CDHR1: variants seen among roughly 807,000 people sequenced by gnomAD.
CDHR1 encodes the protein cadherin-related family member 1.
CDHR1 carries 61 observed loss-of-function variants against 72.1 expected under a neutral mutation model. The ratio of observed to expected loss-of-function variants is 0.85; its 90% confidence interval spans 0.69 to 1.05. The LOEUF (loss-of-function observed/expected upper bound fraction) is 1.05, where lower values mean the gene tolerates loss of function less well. Ranked by LOEUF, CDHR1 falls within the 50% of genes least tolerant of loss-of-function variation. The probability of loss-of-function intolerance (pLI) is 0.00; values close to 1 mark genes in which losing one functional copy is unlikely to be tolerated. For missense variants in CDHR1, 1,186 were observed against 1,115.7 expected, an observed-to-expected ratio of 1.06 and a Z score of -0.90; for synonymous variants, 470 against 448.1, an observed-to-expected ratio of 1.05 and a Z score of -0.62.
chr10:84,204,621 T>C lies in CDHR1; in HGVS notation c.862+16T>C, dbSNP rs1459802748. 1 of 1,587,662 alleles carries C rather than the reference T, an allele frequency of 6.3e-7. No individual in the cohort carries two copies. The highest frequency in any genetic ancestry group is 1.3e-5 in the African/African-American group (1 of 74,326). On this transcript the variant is annotated intron_variant, in intron 9 of 16. Transcript: ENST00000623527. ...CTTGTAAATGGTGAGTCTGAGCAGC[T>C]TTGGGGGCTGCAGCTTTGACTCTCT...
intron 7 of CDHR1, among the ~76,000 whole-genome samples, 169 bp downstream of exon 7, chr10:84,202,089 G>A (rs962625789): frequency 3.9e-5 from 6 of 152,168 alleles, no homozygotes. Context: ...TATTCTCCAG[G>A]GAGGCTGGGG....
At position 84,214,936 on chromosome 10, in the gene CDHR1, G is replaced by A; in HGVS notation, c.*315G>A. On this transcript the variant is annotated 3_prime_UTR_variant, in exon 17 of 17. Transcript: ENST00000623527. ...AGGGCTGAGAATTGACGAGAAGCCAGCTCACCCATCCCAGACCTCACAGTC... is the reference window on the plus strand; with the variant it reads ...AGGGCTGAGAATTGACGAGAAGCCAACTCACCCATCCCAGACCTCACAGTC... 1.5e-6 allele frequency: 2 copies of A among 1,295,228 alleles called. No homozygotes were observed. Among genetic ancestry groups the A allele is most frequent in the South Asian group, 3.3e-5 (2 of 60,934 alleles). The allele number at this position is 1,295,228 out of a possible 1,614,324, so 80.2% of individuals were successfully genotyped here.
At chr10:84,203,588 G>A (rs889364406) in intron 8 of CDHR1, among the ~76,000 whole-genome samples, 3 of 152,076 alleles carry the variant, frequency 2.0e-5, no homozygotes, top group Non-Finnish European at 4.4e-5. Context: ...CTAATTTTTT[G>A]TATTTTTAGT....
chr10:84,211,619 C>G (rs189896719), intron 13 of CDHR1, 29 bp from the exon 14 acceptor site: 1 of 1,604,588 alleles, frequency 6.2e-7, no homozygotes, highest in Non-Finnish European at 8.5e-7. Context: ...CAAAGAGGCA[C>G]GTGCCACCCA....
chr10:84,219,489 C>A, downstream of CDHR1: 1 of 648,148 alleles, frequency 1.5e-6, no homozygotes, highest in Non-Finnish European at 2.4e-6. Context: ...AAGGTCTGAA[C>A]ATCCACTCTC....
rs1335536637 is a variant in CDHR1, at chr10:84,194,754, C to G, written c.-7C>G. On this transcript the variant is annotated 5_prime_UTR_variant, in exon 1 of 17. Transcript: ENST00000623527. ...GGCGGCAGGCGACACTCCGCGCCGG[C>G]GGAGACATGAGGCGCTGCCGGTGGG... 36 of 1,504,300 alleles carry G rather than the reference C, an allele frequency of 2.4e-5. No homozygotes were observed. The highest frequency in any genetic ancestry group is 3.2e-5 in the Non-Finnish European group (36 of 1,134,662). 93.2% of individuals were successfully genotyped at this position (1,504,300 alleles called of 1,614,324 possible).
intron 15 of CDHR1, 120 bp downstream of exon 15, chr10:84,212,527 A>T: frequency 1.3e-6 from 1 of 766,994 alleles, no homozygotes; most frequent in Non-Finnish European, 2.3e-6. Flanking sequence ...TGGACAAAGG[A>T]CTTTAAGACA....
intron 14 of CDHR1, among the ~76,000 whole-genome samples, chr10:84,211,957 A>G (rs1057418106): frequency 1.3e-5 from 2 of 152,214 alleles, no homozygotes; most frequent in African/African-American, 2.4e-5. Flanking sequence ...GAGAAAGACT[A>G]TAACTGGAGT....
chr10:84,206,997 C>T (rs1842238047), intron 10 of CDHR1, among the ~76,000 whole-genome samples: 1 of 152,088 alleles, frequency 6.6e-6, no homozygotes, highest in African/African-American at 2.4e-5. Context: ...ATAGATGAAG[C>T]CCAGGTGGTC....
chr10:84,194,974 T>G (rs1278063944), intron 1 of CDHR1, among the ~76,000 whole-genome samples, 159 bp downstream of exon 1: 2 of 152,154 alleles, frequency 1.3e-5, no homozygotes, highest in Non-Finnish European at 2.9e-5. Flanking sequence ...CCTGGCCCAT[T>G]CGGTAGTGGG....
chr10:84,194,797 C>G lies in CDHR1; in HGVS notation c.37C>G (p.Leu13Val). ...CCGGTGGGCCGCCCTGGCCCTGGGGCTGCTGCGCCTCTGCTTGGGTGAGTG... is the reference window on the plus strand; with the variant it reads ...CCGGTGGGCCGCCCTGGCCCTGGGGGTGCTGCGCCTCTGCTTGGGTGAGTG... ...RCRWAALALG[L>V]LRLCLAQANF... Residue 13 changes from leucine to valine, a missense_variant, in exon 1 of 17, where the codon CTG (leucine) becomes GTG (valine). Coordinates refer to ENST00000623527, the MANE Select transcript of CDHR1 (RefSeq NM_033100.4). 1.3e-6 allele frequency: 2 copies of G among 1,532,304 alleles called. No homozygotes were observed. The highest frequency in any genetic ancestry group is 1.7e-6 in the Non-Finnish European group (2 of 1,145,802). 94.9% of individuals were successfully genotyped at this position (1,532,304 alleles called of 1,614,324 possible).
At chr10:84,206,077 C>T in intron 10 of CDHR1, 150 bp downstream of exon 10, 1 of 689,690 alleles carries the variant, frequency 1.4e-6, no homozygotes, top group Non-Finnish European at 2.6e-6. Context: ...GACATGAATT[C>T]ACAAACAGGG....
At chr10:84,209,982 G>A (rs1842299378) in intron 12 of CDHR1, among the ~76,000 whole-genome samples, 1 of 152,230 alleles carries the variant, frequency 6.6e-6, no homozygotes. Context: ...CACTTTGGGA[G>A]GCCGAGGGGG....
rs1841993995 is a variant in CDHR1 at position 84,194,665 on chromosome 10, A to T, written c.-96A>T. 1.1e-5 allele frequency: 7 copies of T among 650,928 alleles called. No individual in the cohort carries two copies. In the South Asian group the frequency reaches 1.6e-4, roughly 15 times the overall value. 40.3% of individuals were successfully genotyped at this position (650,928 alleles called of 1,614,324 possible). ...CGCGGCTGCAGTCGCCGCTACCCCC[A>T]TTGTGGTCTCTGCCCTCCCCGCGGG... On this transcript the variant is annotated 5_prime_UTR_variant, in exon 1 of 17. Coordinates refer to ENST00000623527, the MANE Select transcript of CDHR1 (RefSeq NM_033100.4).
chr10:84,212,154 C>A (rs1425492660), intron 14 of CDHR1, 25 bp from the exon 15 acceptor site: 2 of 1,581,006 alleles, frequency 1.3e-6, no homozygotes, highest in Non-Finnish European at 1.7e-6. Context: ...CGTGCACACC[C>A]ATGCCTATGT....
chr10:84,209,007 C>T, intron 12 of CDHR1, 126 bp downstream of exon 12: 1 of 1,066,054 alleles, frequency 9.4e-7, no homozygotes, highest in Non-Finnish European at 1.4e-6. Flanking sequence ...CTTTTCTTCT[C>T]CAGCCCTCTG....
At position 84,217,952 on chromosome 10, in the gene CDHR1, G is replaced by A. The variant is rs1452395959; in HGVS notation, c.*3331G>A. ...TCCCTCAGAATCCTGCTAGAAAAGTGTGATCAGAGCTGGGAAGGAGCCACC... is the reference window on the plus strand; with the variant it reads ...TCCCTCAGAATCCTGCTAGAAAAGTATGATCAGAGCTGGGAAGGAGCCACC... On this transcript the variant is annotated 3_prime_UTR_variant, in exon 17 of 17. Transcript: ENST00000623527. 1 of 985,356 alleles carries A rather than the reference G, an allele frequency of 1.0e-6. No homozygotes were observed. The highest frequency in any genetic ancestry group is 1.1e-4 in the East Asian group (1 of 8,830). The allele number at this position is 985,356 out of a possible 1,614,324, so 61.0% of individuals were successfully genotyped here.
At chr10:84,206,958 T>A (rs1011368544) in intron 10 of CDHR1, among the ~76,000 whole-genome samples, 7 of 152,158 alleles carry the variant, frequency 4.6e-5, no homozygotes, top group African/African-American at 1.4e-4. Context: ...GGAAATTGCC[T>A]GATCTTGAGG....
At chr10:84,203,497 C>T (rs1281609719) in intron 8 of CDHR1, among the ~76,000 whole-genome samples, 2 of 152,184 alleles carry the variant, frequency 1.3e-5, no homozygotes, top group Non-Finnish European at 2.9e-5. Context: ...TCACTGCAAC[C>T]TCTACCTCCT....
Sources: allele counts gnomAD v4.1 joint callset (sites outside exome capture counted in the v4.1 genomes callset), GRCh38; gene constraint gnomAD v4.1.1; transcripts MANE v1.5; gene names NCBI Gene and HGNC (gene_info 2026-07-23, HGNC 2026-07-21).